WNT10A: variants seen among roughly 807,000 people sequenced by gnomAD.
WNT10A encodes the protein protein Wnt-10a.
A neutral mutation model predicts 36.1 loss-of-function variants in WNT10A; 37 were observed. The observed-to-expected ratio is 1.02, with a 90% CI of 0.79 to 1.35. The LOEUF is 1.35. Among genes scored for constraint, WNT10A ranks in the 40% most tolerant of loss-of-function variants. The pLI is 0.00. For synonymous variants in WNT10A, 255 were observed against 254.1 expected (o/e 1.00, Z -0.03); for missense variants, 613 against 601.4 (o/e 1.02, Z -0.20).
Position 218,890,371 on chromosome 2 carries a change from C to T in WNT10A, c.756+8C>T, listed in dbSNP as rs1575233770. 6.3e-7 allele frequency: 1 copy of T among 1,599,540 alleles called. No homozygotes were observed. The highest frequency in any genetic ancestry group is 1.3e-5 in the African/African-American group (1 of 75,036). On this transcript the variant is annotated splice_region_variant and intron_variant, in intron 3 of 3. Transcript: ENST00000258411. ...AACCGAGTTGGGAGGCAGGTGAGAG[C>T]CCCACCCCTGGGTCTGCTTCAAATC...
At chr2:218,874,955 A>T in the WNT10A span, among the ~76,000 whole-genome samples, 1 of 152,050 alleles carries the variant, frequency 6.6e-6, no homozygotes, top group South Asian at 2.1e-4. Context: ...TGCTCTATAT[A>T]GCAGAACCAT....
the WNT10A span, chr2:218,874,145 C>G: frequency 2.6e-6 from 1 of 391,512 alleles, no homozygotes; most frequent in Non-Finnish European, 4.5e-6. Flanking sequence ...AAAAGCCAGT[C>G]TAAAGGCCTC....
At chr2:218,886,211 G>GCA (rs1425932994) in intron 2 of WNT10A, among the ~76,000 whole-genome samples, 34 of 152,102 alleles carry the variant, frequency 2.2e-4, no homozygotes, top group African/African-American at 7.2e-4. Context: ...ATGCATACGT[G>GCA]CACGCACACA....
rs138548027 is a variant in WNT10A at position 218,890,048 on chromosome 2, T to C, written c.441T>C (p.Asn147=). The C allele has an allele frequency of 2.5e-6, 4 of 1,613,942 alleles. No individual in the cohort carries two copies. The African/African-American group carries it at 4.0e-5, about 16-fold the overall frequency. The stretch of plus-strand genomic sequence containing the variant: ...CTGGCGTGGTGCACGCCGTGTCCAA[T>C]GCGTGTGCCCTGGGCAAACTGAAGG... ...AAAGVVHAVS[N]ACALGKLKAC... is the part of the protein sequence containing the mutation. The change falls in exon 3 of 4, where the codon AAT becomes AAC. Residue 147 remains asparagine, a synonymous_variant. Coordinates refer to ENST00000258411, the MANE Select transcript of WNT10A (RefSeq NM_025216.3).
chr2:218,891,527 C>A, intron 3 of WNT10A, among the ~76,000 whole-genome samples: 1 of 152,184 alleles, frequency 6.6e-6, no homozygotes, highest in East Asian at 1.9e-4. Context: ...CACACTTACC[C>A]TTGGGTCATG....
chr2:218,878,417 G>C (rs991695282), upstream of WNT10A, among the ~76,000 whole-genome samples: 5 of 152,040 alleles, frequency 3.3e-5, no homozygotes, highest in African/African-American at 1.2e-4. The surrounding 1 kb of genome is among the most constrained non-coding windows in gnomAD (Gnocchi z 4.1). Flanking sequence ...TTTAAGAAAG[G>C]GTTTTCTCGG....
intron 2 of WNT10A, among the ~76,000 whole-genome samples, chr2:218,882,958 C>G (rs961242307): frequency 6.6e-6 from 1 of 152,222 alleles, no homozygotes; most frequent in Non-Finnish European, 1.5e-5. Context: ...AAAACCCTCT[C>G]TGAATCAGAG....
intron 2 of WNT10A, among the ~76,000 whole-genome samples, chr2:218,888,465 C>G (rs114831522): frequency 1.2e-3 from 176 of 152,328 alleles, no homozygotes; most frequent in African/African-American, 4.2e-3. Flanking sequence ...ATCTGTGCCT[C>G]CTGAACATCT....
chr2:218,892,401 C>T (rs1350773932), intron 3 of WNT10A, among the ~76,000 whole-genome samples: 3 of 151,578 alleles, frequency 2.0e-5, no homozygotes, highest in African/African-American at 7.3e-5. Context: ...CCCTCCTGCT[C>T]CTGGCCCCTA....
rs1201688054 is a variant in WNT10A at position 218,880,951 on chromosome 2, T to C, written c.-45T>C. The C allele has an allele frequency of 6.5e-7, 1 of 1,540,832 alleles. No individual in the cohort carries two copies. The highest frequency in any genetic ancestry group is 2.1e-4 in the Middle Eastern group (1 of 4,674). On this transcript the variant is annotated 5_prime_UTR_variant, in exon 1 of 4. Transcript: ENST00000258411. The surrounding 1 kb of genome is among the most constrained non-coding windows in gnomAD (Gnocchi z 7.7). Reference sequence around the variant, plus strand: ...GGCGCCCCTGGCTCTCCAGTCCCACTGGGCTGTGAGCCCCCCACTCCCAGC... The same window carrying C: ...GGCGCCCCTGGCTCTCCAGTCCCACCGGGCTGTGAGCCCCCCACTCCCAGC...
At position 218,892,756 on chromosome 2, in the gene WNT10A, C is replaced by G; in HGVS notation, c.757-18C>G. 1 of 1,572,834 alleles carries G rather than the reference C, an allele frequency of 6.4e-7. No homozygotes were observed. Among genetic ancestry groups the G allele is most frequent in the South Asian group, 1.2e-5 (1 of 85,786 alleles). ...GGGCTGCGCGCCGTGTCACCCCTCACGGTGCCTCCCTCCGCAGGCAGTGAT... is the reference window on the plus strand; with the variant it reads ...GGGCTGCGCGCCGTGTCACCCCTCAGGGTGCCTCCCTCCGCAGGCAGTGAT... On this transcript the variant is annotated intron_variant, in intron 3 of 3. Coordinates refer to ENST00000258411, the MANE Select transcript of WNT10A (RefSeq NM_025216.3).
chr2:218,892,689 G>A, intron 3 of WNT10A, 85 bp from the exon 4 acceptor site: 2 of 1,536,026 alleles, frequency 1.3e-6, no homozygotes, highest in East Asian at 5.0e-5. Flanking sequence ...TAATGGGAGT[G>A]GGTTTCAGAA....
rs1027367632 is a variant in WNT10A at position 218,893,269 on chromosome 2, T to A, written c.1252T>A (p.Ter418ArgextTer49). The A allele has an allele frequency of 6.5e-7, 1 of 1,548,482 alleles. No homozygotes were observed. Among genetic ancestry groups the A allele is most frequent in the Non-Finnish European group, 8.7e-7 (1 of 1,153,238 alleles). ...CACCGAGTGGGTCAGCGTCTGCAAG[T>A]GAGCGGCCCGGGGTCCCCTGGGCCC... ...RITEWVSVCK[*>R] Residue 418 changes from the stop codon to arginine (R), a stop_lost, in exon 4 of 4, where the codon TGA (stop) becomes AGA (arginine). Coordinates refer to ENST00000258411, the MANE Select transcript of WNT10A (RefSeq NM_025216.3). The surrounding 1 kb of genome is among the most constrained non-coding windows in gnomAD (Gnocchi z 6.3).
Position 218,891,528 on chromosome 2 carries a change from T to A in WNT10A, c.756+1165T>A, listed in dbSNP as rs1271035717. On this transcript the variant is annotated intron_variant, in intron 3 of 3. Transcript: ENST00000258411. ...GGGGTAAACTGAGGCACACTTACCCTTGGGTCATGTCCAGCTCCCACCCAG... is the reference window on the plus strand; with the variant it reads ...GGGGTAAACTGAGGCACACTTACCCATGGGTCATGTCCAGCTCCCACCCAG... Among the ~76,000 whole-genome samples, 10 of 152,280 alleles carry A rather than the reference T, an allele frequency of 6.6e-5. No homozygotes were observed. The East Asian group carries it at 1.9e-3, about 29-fold the overall frequency.
intron 2 of WNT10A, among the ~76,000 whole-genome samples, chr2:218,889,213 T>C (rs902898544): frequency 1.3e-5 from 2 of 152,246 alleles, no homozygotes; most frequent in African/African-American, 4.8e-5. Context: ...CTTAGAATAA[T>C]AGTCTCAAAT....
At chr2:218,879,090 A>T (rs1049404972), upstream of WNT10A, among the ~76,000 whole-genome samples, 1 of 23,160 alleles carries the variant, frequency 4.3e-5, no homozygotes, top group Non-Finnish European at 9.4e-5. Context: ...CCCCACCCCC[A>T]CCCCCAGCAG....
chr2:218,893,361 T>C lies in WNT10A; in HGVS notation c.*90T>C. ...CGGTCTTGGCAAGGCAGCATCGCCT[T>C]GGCTCTTGGGAAGAGGAGATTGGAC... On this transcript the variant is annotated 3_prime_UTR_variant, in exon 4 of 4. Transcript: ENST00000258411. The surrounding 1 kb of genome is among the most constrained non-coding windows in gnomAD (Gnocchi z 6.3). The C allele has an allele frequency of 6.8e-7, 1 of 1,466,728 alleles. No homozygotes were observed. The highest frequency in any genetic ancestry group is 9.0e-7 in the Non-Finnish European group (1 of 1,109,380). The allele number at this position is 1,466,728 out of a possible 1,614,324, so 90.9% of individuals were successfully genotyped here.
At chr2:218,888,742 C>T (rs969184129) in intron 2 of WNT10A, among the ~76,000 whole-genome samples, 21 of 152,252 alleles carry the variant, frequency 1.4e-4, no homozygotes, top group African/African-American at 5.1e-4. Context: ...TATGCTGTGC[C>T]TAAGATGGGC....
At chr2:218,883,543 C>T (rs978169219) in intron 2 of WNT10A, among the ~76,000 whole-genome samples, 1 of 150,504 alleles carries the variant, frequency 6.6e-6, no homozygotes, top group Non-Finnish European at 1.5e-5. Flanking sequence ...CCGCCCCGCC[C>T]CGCCCCGCCC....
Sources: allele counts gnomAD v4.1 joint callset (sites outside exome capture counted in the v4.1 genomes callset), GRCh38; gene constraint gnomAD v4.1.1; non-coding constraint Gnocchi (gnomAD v3.1); transcripts MANE v1.5; gene names NCBI Gene and HGNC (gene_info 2026-07-23, HGNC 2026-07-21).